Variants in GTF2IRD1 observed in about 807,000 individuals in gnomAD.
GTF2IRD1 encodes general transcription factor II-I repeat domain-containing protein 1.
A neutral mutation model predicts 113.2 loss-of-function variants in GTF2IRD1; 26 were observed. The ratio of observed to expected loss-of-function variants is 0.23; its 90% CI spans 0.17 to 0.32. The LOEUF (loss-of-function observed/expected upper bound fraction) is 0.32, where lower values mean the gene tolerates loss of function less well. Ranked by LOEUF, GTF2IRD1 falls within the 10% of genes least tolerant of loss-of-function variation. The pLI is 1.00. For missense variants in GTF2IRD1, 864 were observed against 1,280.8 expected (o/e 0.67, Z 4.97); for synonymous variants, 484 against 529.1 (o/e 0.91, Z 1.17).
chr7:74,466,704 G>A (rs1272142869), intron 1 of GTF2IRD1, among the ~76,000 whole-genome samples: 1 of 152,048 alleles, frequency 6.6e-6, no homozygotes, highest in Non-Finnish European at 1.5e-5. Context: ...CCTCTTGTCT[G>A]TGTCCCCAGC....
intron 22 of GTF2IRD1, chr7:74,571,319 G>A (rs587754089): frequency 2.5e-5 from 4 of 159,298 alleles, no homozygotes; most frequent in South Asian, 4.0e-4. Context: ...AGTGGGAGGT[G>A]GTGAGGCAGA....
chr7:74,483,311 C>T (rs1794846464), intron 1 of GTF2IRD1, among the ~76,000 whole-genome samples: 1 of 151,822 alleles, frequency 6.6e-6, no homozygotes, highest in Admixed American at 6.6e-5. Flanking sequence ...GAGACTGAGG[C>T]AGGATTGCTT....
At chr7:74,471,089 G>C (rs1441951194) in intron 1 of GTF2IRD1, among the ~76,000 whole-genome samples, 1 of 152,218 alleles carries the variant, frequency 6.6e-6, no homozygotes. Flanking sequence ...ACAGGCGTGA[G>C]CCACCGTGCC....
intron 25 of GTF2IRD1, among the ~76,000 whole-genome samples, chr7:74,596,662 A>G (rs1802434962): frequency 6.6e-6 from 1 of 151,578 alleles, no homozygotes; most frequent in Non-Finnish European, 1.5e-5. Flanking sequence ...AAGAAAAAGA[A>G]ACACTGATTG....
In GTF2IRD1 at chr7:74,555,187, A is replaced by T. The variant is rs781865093; in HGVS notation, c.1930A>T (p.Thr644Ser). 21 of 1,613,718 alleles carry T rather than the reference A, an allele frequency of 1.3e-5. No individual in the cohort carries two copies. Among genetic ancestry groups the T allele is most frequent in the Non-Finnish European group, 1.8e-5 (21 of 1,179,912 alleles). The part of the protein sequence containing the change: ...QFVIKRPELL[T>S]EGVKEPIMDS... ...TGTGTTTTCCAGGCCCGAGCTGCTC[A>T]CTGAGGGAGTCAAAGAGCCCATCAT... The change falls in exon 18 of 27, where the codon ACT becomes TCT. Residue 644 changes from threonine to serine, a missense_variant. Physicochemically the swap from Thr to Ser is moderately conservative, Grantham distance 58 (BLOSUM62 1). Transcript: ENST00000424337. This position sits in a 1 kb window ranked among gnomAD's most constrained non-coding sequence, Gnocchi z 5.3.
chr7:74,536,354 C>T (rs1195058799), intron 11 of GTF2IRD1, 79 bp downstream of exon 11: 3 of 832,118 alleles, frequency 3.6e-6, no homozygotes, highest in Non-Finnish European at 6.0e-6. Flanking sequence ...CAAGGGGGTA[C>T]CCAGGGCGGC....
At chr7:74,491,166 C>T (rs182103818) in intron 1 of GTF2IRD1, among the ~76,000 whole-genome samples, 3 of 151,950 alleles carry the variant, frequency 2.0e-5, no homozygotes, top group Admixed American at 6.6e-5. Flanking sequence ...ATTAGATGGG[C>T]GTGGTGGCAG....
intron 15 of GTF2IRD1, 46 bp downstream of exon 15, chr7:74,544,848 A>G (rs1554352809): frequency 1.3e-6 from 2 of 1,493,976 alleles, no homozygotes; most frequent in Admixed American, 1.7e-5. Context: ...CCCCCACCCC[A>G]TCTCTCTTCC....
At chr7:74,500,079 C>T (rs2129825300) in intron 1 of GTF2IRD1, among the ~76,000 whole-genome samples, 1 of 152,324 alleles carries the variant, frequency 6.6e-6, no homozygotes, top group Admixed American at 6.5e-5. Context: ...CCCATGTGTG[C>T]CCCTGCCGTT....
At chr7:74,482,246 T>G (rs1226080449) in intron 1 of GTF2IRD1, among the ~76,000 whole-genome samples, 1 of 134,544 alleles carries the variant, frequency 7.4e-6, no homozygotes, top group African/African-American at 3.2e-5. Flanking sequence ...TTTTTTTTTT[T>G]GAGACGGGCC....
intron 22 of GTF2IRD1, among the ~76,000 whole-genome samples, chr7:74,586,557 G>C (rs781960276): frequency 2.0e-5 from 3 of 152,164 alleles, no homozygotes; most frequent in Non-Finnish European, 4.4e-5. Flanking sequence ...GGGTGTGGAC[G>C]GACCAGGCCA....
chr7:74,597,112 G>A (rs376921644), intron 25 of GTF2IRD1, among the ~76,000 whole-genome samples: 2 of 151,492 alleles, frequency 1.3e-5, no homozygotes, highest in East Asian at 1.9e-4. Context: ...GTGTGATCTC[G>A]GCTCACTGCA....
At chr7:74,456,427 TAATCC>T (rs1792979592) in intron 1 of GTF2IRD1, among the ~76,000 whole-genome samples, 1 of 152,198 alleles carries the variant, frequency 6.6e-6, no homozygotes, top group East Asian at 1.9e-4. Context: ...CTCACGCCTG[TAATCC>T]CAGCACTTTG....
At chr7:74,553,198 C>A (rs375978812) in intron 17 of GTF2IRD1, among the ~76,000 whole-genome samples, 4 of 151,246 alleles carry the variant, frequency 2.6e-5, no homozygotes, top group African/African-American at 9.7e-5. Flanking sequence ...GGTGCTGTCT[C>A]GGCTCACTGT....
At chr7:74,589,064 A>G (rs1801897301) in intron 22 of GTF2IRD1, among the ~76,000 whole-genome samples, 1 of 152,088 alleles carries the variant, frequency 6.6e-6, no homozygotes, top group Non-Finnish European at 1.5e-5. Context: ...TGATAAAAAA[A>G]TGTGGGATGG....
rs587636788 is a variant in GTF2IRD1 at position 74,565,253 on chromosome 7, G to A, written c.2320+5598G>A. 3.5e-3 allele frequency among the ~76,000 whole-genome samples: 531 copies of A among 152,278 alleles called. 2 individuals are homozygous for A. The highest frequency in any genetic ancestry group is 0.012 in the African/African-American group (483 of 41,564). On this transcript the variant is annotated intron_variant, in intron 22 of 26. Coordinates refer to ENST00000424337, the MANE Select transcript of GTF2IRD1 (RefSeq NM_005685.4). ...TTAAATTAGGGAGACTGCCAGGCGC[G>A]GTGGCTCATGCCTGTAATCCCAGCA...
intron 8 of GTF2IRD1, among the ~76,000 whole-genome samples, chr7:74,528,869 AGATGGATG>A (rs781849655): frequency 0.011 from 1,088 of 101,720 alleles, 12 homozygotes; most frequent in Middle Eastern, 0.033. Context: ...ATGAATGGGC[AGATGGATG>A]GATGGATGGA....
intron 25 of GTF2IRD1, among the ~76,000 whole-genome samples, chr7:74,598,223 CAA>C (rs10716447): frequency 2.0e-5 from 3 of 148,028 alleles, no homozygotes; most frequent in African/African-American, 2.4e-5. Context: ...ACCCTGTTTC[CAA>C]AAAAAAAAGA....
intron 22 of GTF2IRD1, chr7:74,571,052 G>T: frequency 2.1e-6 from 2 of 970,986 alleles, no homozygotes; most frequent in East Asian, 1.1e-4. Context: ...CACCCTGGGG[G>T]TACAGCAGTC....
Sources: allele counts gnomAD v4.1 joint callset (sites outside exome capture counted in the v4.1 genomes callset), GRCh38; gene constraint gnomAD v4.1.1; non-coding constraint Gnocchi (gnomAD v3.1); transcripts MANE v1.5; gene names NCBI Gene and HGNC (gene_info 2026-07-23, HGNC 2026-07-21).